ADGRL3: variants seen among roughly 807,000 people sequenced by gnomAD.
ADGRL3 encodes the protein adhesion G protein-coupled receptor L3.
A neutral mutation model predicts 153.5 loss-of-function variants in ADGRL3; 62 were observed. The ratio of observed to expected loss-of-function variants is 0.40; its 90% CI spans 0.33 to 0.50. The LOEUF (loss-of-function observed/expected upper bound fraction) is 0.50. Among genes scored for constraint, ADGRL3 ranks in the 20% least tolerant of loss-of-function variants. The pLI, the probability that ADGRL3 is intolerant of heterozygous loss-of-function variation, is 0.47. For synonymous variants in ADGRL3, 710 were observed against 672.5 expected (o/e 1.06, Z -0.86); for missense variants, 1,641 against 1,859.4 (o/e 0.88, Z 2.16).
intron 1 of ADGRL3, among the ~76,000 whole-genome samples, chr4:61,236,212 G>A (rs1233271837): frequency 6.6e-6 from 1 of 151,910 alleles, no homozygotes; most frequent in African/African-American, 2.4e-5. Context: ...GTTTCACCCT[G>A]TTGGCCAGGC....
At chr4:61,717,595 G>A (rs1355671740) in intron 6 of ADGRL3, among the ~76,000 whole-genome samples, 1 of 152,074 alleles carries the variant, frequency 6.6e-6, no homozygotes, top group Non-Finnish European at 1.5e-5. Context: ...TTAGTAGTAA[G>A]AGTTTACACA....
chr4:61,861,295 G>A (rs889734371), intron 9 of ADGRL3, among the ~76,000 whole-genome samples: 1 of 152,186 alleles, frequency 6.6e-6, no homozygotes, highest in Non-Finnish European at 1.5e-5. Context: ...TGCACAGGGT[G>A]TTGTGAAGAT....
At chr4:61,794,640 G>A (rs1219773389) in intron 8 of ADGRL3, among the ~76,000 whole-genome samples, 5 of 152,136 alleles carry the variant, frequency 3.3e-5, no homozygotes, top group Admixed American at 1.3e-4. Flanking sequence ...GAGATTCCTG[G>A]AAAGGAAAGA....
At chr4:61,697,618 A>C (rs2095666107) in intron 6 of ADGRL3, among the ~76,000 whole-genome samples, 1 of 152,144 alleles carries the variant, frequency 6.6e-6, no homozygotes, top group South Asian at 2.1e-4. Context: ...TTCTTGGTGA[A>C]GTATACTAAT....
In ADGRL3 at chr4:62,068,148, C is replaced by A; in HGVS notation, c.3815-18C>A. ...TACTTGTTGTTTTTTCTTTCCTTTTCTTCATGCTGTCGTTTAGAGCCCTAC... is the reference window on the plus strand; with the variant it reads ...TACTTGTTGTTTTTTCTTTCCTTTTATTCATGCTGTCGTTTAGAGCCCTAC... On this transcript the variant is annotated intron_variant, in intron 25 of 26. Transcript: ENST00000683033. The A allele has an allele frequency of 6.5e-7, 1 of 1,547,292 alleles. No homozygotes were observed. The highest frequency in any genetic ancestry group is 8.7e-7 in the Non-Finnish European group (1 of 1,153,920).
At chr4:61,321,893 G>T (rs191229654) in intron 1 of ADGRL3, among the ~76,000 whole-genome samples, 2 of 152,242 alleles carry the variant, frequency 1.3e-5, no homozygotes, top group African/African-American at 2.4e-5. Context: ...TTAGGAGGAA[G>T]GAGGTAGATT....
rs373948578 is a variant in ADGRL3, at chr4:61,391,921, G to A, written c.-174+8732G>A. Among the ~76,000 whole-genome samples, 4 of 145,442 alleles carry A rather than the reference G, an allele frequency of 2.8e-5. No homozygotes were observed. The South Asian group carries it at 6.6e-4, about 24-fold the overall frequency. ...GTCACCCAGGCTGGAGTGCAGTGGCGCGAGCTCGCCTCACTGCAAGCTCCG... is the reference window on the plus strand; with the variant it reads ...GTCACCCAGGCTGGAGTGCAGTGGCACGAGCTCGCCTCACTGCAAGCTCCG... On this transcript the variant is annotated intron_variant, in intron 2 of 26. Transcript: ENST00000683033.
intron 25 of ADGRL3, among the ~76,000 whole-genome samples, chr4:62,061,202 T>G (rs1186773606): frequency 6.6e-6 from 1 of 151,942 alleles, no homozygotes; most frequent in African/African-American, 2.4e-5. Context: ...AGTGGCATTT[T>G]TTTTGTTTCA....
intron 3 of ADGRL3, among the ~76,000 whole-genome samples, chr4:61,506,607 A>G (rs1043823315): frequency 2.0e-5 from 3 of 152,118 alleles, no homozygotes; most frequent in African/African-American, 7.2e-5. Context: ...TTTTAATTAG[A>G]CTCTAAGCCC....
At chr4:62,042,702 C>T (rs1729027864) in intron 24 of ADGRL3, among the ~76,000 whole-genome samples, 1 of 151,990 alleles carries the variant, frequency 6.6e-6, no homozygotes, top group Admixed American at 6.6e-5. Context: ...ACTCCCTAGA[C>T]AAGGACATAT....
At chr4:61,589,015 C>T (rs2098958175) in intron 5 of ADGRL3, among the ~76,000 whole-genome samples, 1 of 151,964 alleles carries the variant, frequency 6.6e-6, no homozygotes, top group Non-Finnish European at 1.5e-5. Context: ...TTAATCCTTT[C>T]ATTAATATTA....
intron 6 of ADGRL3, among the ~76,000 whole-genome samples, chr4:61,720,127 T>A (rs1353567366): frequency 1.3e-5 from 2 of 148,946 alleles, no homozygotes; most frequent in Non-Finnish European, 3.0e-5. Context: ...TCTCACACTG[T>A]CACCCAGGCT....
At chr4:61,368,081 G>A (rs2096442732) in intron 1 of ADGRL3, among the ~76,000 whole-genome samples, 1 of 151,544 alleles carries the variant, frequency 6.6e-6, no homozygotes, top group Non-Finnish European at 1.5e-5. Flanking sequence ...TTTTTGATGG[G>A]GTTGTTTGTT....
At chr4:61,851,806 A>G (rs911627265) in intron 9 of ADGRL3, among the ~76,000 whole-genome samples, 2 of 152,112 alleles carry the variant, frequency 1.3e-5, no homozygotes, top group Non-Finnish European at 2.9e-5. Flanking sequence ...GAAACTGTTT[A>G]TGTGGTGTTG....
chr4:61,298,090 A>G (rs1195479007), intron 1 of ADGRL3, among the ~76,000 whole-genome samples: 1 of 152,168 alleles, frequency 6.6e-6, no homozygotes, highest in African/African-American at 2.4e-5. Flanking sequence ...ACATTCAGGA[A>G]TTTTAGTTAC....
At chr4:61,707,170 T>C (rs1201433297) in intron 6 of ADGRL3, among the ~76,000 whole-genome samples, 2 of 152,196 alleles carry the variant, frequency 1.3e-5, no homozygotes, top group African/African-American at 4.8e-5. Flanking sequence ...TAGGCATGGT[T>C]CGTGGTCCCC....
chr4:61,388,931 G>A (rs547680990), intron 2 of ADGRL3, among the ~76,000 whole-genome samples: 1 of 152,188 alleles, frequency 6.6e-6, no homozygotes, highest in African/African-American at 2.4e-5. Flanking sequence ...CCCATCTCCT[G>A]CCTTATTTTT....
At chr4:61,895,871 A>G (rs2098628303) in intron 11 of ADGRL3, 37 bp downstream of exon 11, 5 of 1,210,552 alleles carry the variant, frequency 4.1e-6, no homozygotes, top group Middle Eastern at 3.8e-4. Context: ...CTTTGCTAAA[A>G]CTATATCATC....
intron 9 of ADGRL3, among the ~76,000 whole-genome samples, chr4:61,870,703 T>TAGGAA (rs1292501314): frequency 6.6e-6 from 1 of 152,158 alleles, no homozygotes; most frequent in Non-Finnish European, 1.5e-5. Flanking sequence ...TGGTCAACAT[T>TAGGAA]ATTAGCCATC....
Sources: gnomAD v4.1 joint callset for allele counts (sites outside exome capture counted in the v4.1 genomes callset) on GRCh38, gnomAD v4.1.1 for gene constraint, MANE v1.5 for transcripts, NCBI Gene and HGNC (gene_info 2026-07-23, HGNC 2026-07-21) for gene names.